GLRX: variants seen among roughly 807,000 people sequenced by gnomAD.
The protein encoded by GLRX is glutaredoxin, also known as glutaredoxin-1.
A neutral mutation model predicts 11.1 loss-of-function variants in GLRX; 9 were observed. The observed-to-expected ratio is 0.81, with a 90% CI of 0.49 to 1.42. The LOEUF (loss-of-function observed/expected upper bound fraction) is 1.42, where lower values mean the gene tolerates loss of function less well. GLRX is among the 40% of genes most tolerant of loss of function. The probability of loss-of-function intolerance (pLI) is 0.00; values close to 1 mark genes in which losing one functional copy is unlikely to be tolerated. For missense variants in GLRX, 102 were observed against 126.2 expected, an observed-to-expected ratio of 0.81 and a Z score of 0.92; for synonymous variants, 49 against 49.5, an observed-to-expected ratio of 0.99 and a Z score of 0.04.
At position 95,822,443 on chromosome 5, in the gene GLRX, A is replaced by G. The variant is rs1183837296; in HGVS notation, c.207+13T>C. ...CCGGGAGCCTTTCCCTAGCCGTTTA[A>G]AATGAAACTCACCGTTCTTGCTCCC... is the stretch of plus-strand genomic sequence containing the variant. On this transcript the variant is annotated intron_variant, in intron 1 of 2. Coordinates refer to ENST00000237858, the MANE Select transcript of GLRX (RefSeq NM_001118890.2). 3 of 1,605,294 alleles carry G rather than the reference A, an allele frequency of 1.9e-6. No individual in the cohort carries two copies. In the East Asian group the frequency reaches 6.7e-5, roughly 36 times the overall value.
intron 1 of GLRX, among the ~76,000 whole-genome samples, chr5:95,819,829 G>A (rs533682229): frequency 6.7e-6 from 1 of 149,122 alleles, no homozygotes; most frequent in African/African-American, 2.5e-5. Context: ...AACCCGGGAG[G>A]TGGAGCTTGC....
intron 2 of GLRX, chr5:95,816,295 T>C: frequency 2.0e-6 from 1 of 507,464 alleles, no homozygotes; most frequent in Middle Eastern, 5.4e-4. Flanking sequence ...AATAAATATT[T>C]CTTAAATGAA....
intron 1 of GLRX, 124 bp downstream of exon 1, chr5:95,822,332 G>A: frequency 2.6e-6 from 1 of 377,520 alleles, no homozygotes; most frequent in Middle Eastern, 7.6e-4. Context: ...CACACCCCCC[G>A]CCCCGCACAG....
chr5:95,819,860 T>C (rs148731939), intron 1 of GLRX, among the ~76,000 whole-genome samples: 2,903 of 130,914 alleles, frequency 0.022, 47 homozygotes, highest in Non-Finnish European at 0.032. Context: ...GATTGCGCCA[T>C]TGCACTCCAG....
chr5:95,819,915 A>AAAAC (rs1395453006), intron 1 of GLRX, among the ~76,000 whole-genome samples: 2 of 151,222 alleles, frequency 1.3e-5, no homozygotes, highest in Non-Finnish European at 2.9e-5. Context: ...AAAAAAAAAA[A>AAAAC]AAAAAAACCC....
At chr5:95,815,457 C>T (rs1448659914) in intron 2 of GLRX, among the ~76,000 whole-genome samples, 2 of 152,168 alleles carry the variant, frequency 1.3e-5, no homozygotes, top group African/African-American at 4.8e-5. Context: ...TGCTGAGTAA[C>T]CATCACAAAT....
In GLRX at chr5:95,822,585, G is replaced by T; in HGVS notation, c.78C>A (p.Cys26Ter). 1 of 1,613,812 alleles carries T rather than the reference G, an allele frequency of 6.2e-7. No homozygotes were observed. The highest frequency in any genetic ancestry group is 1.1e-5 in the South Asian group (1 of 91,080). Residue 26 changes from cysteine (C) to a stop codon, truncating the protein, a stop_gained, in exon 1 of 3, where the codon TGC becomes TGA. Coordinates refer to ENST00000237858, the MANE Select transcript of GLRX (RefSeq NM_001118890.2). LOFTEE classifies it high-confidence loss of function. ...VVFIKPTCPY[C>*]RRAQEILSQL... is the part of the protein sequence containing the mutation. ...GACTGAGGATCTCTTGGGCCCTCCT[G>T]CAGTACGGGCAGGTGGGCTTGATGA...
intron 1 of GLRX, among the ~76,000 whole-genome samples, chr5:95,819,791 C>T (rs1309657049): frequency 6.8e-6 from 1 of 148,028 alleles, no homozygotes; most frequent in African/African-American, 2.5e-5. Context: ...CCCAGCTACT[C>T]GAGAGGCTGA....
chr5:95,821,100 TCAAAA>T (rs1385993273), intron 1 of GLRX, among the ~76,000 whole-genome samples: 5 of 152,202 alleles, frequency 3.3e-5, no homozygotes, highest in East Asian at 1.9e-4. Flanking sequence ...TGAAACTGTC[TCAAAA>T]CAAACGAACA....
rs146003203 is a variant in GLRX, at chr5:95,819,804, C to A, written c.207+2652G>T. 2.8e-3 allele frequency among the ~76,000 whole-genome samples: 399 copies of A among 141,358 alleles called. 1 individual carries two copies. The highest frequency in any genetic ancestry group is 9.8e-3 in the African/African-American group (371 of 37,780). The allele number at this position is 141,358 out of a possible 152,430, so 92.7% of individuals were successfully genotyped here. Reference sequence around the variant, plus strand: ...GTCCCAGCTACTCGAGAGGCTGAGACAGGAGAATAGCGTGAACCCGGGAGG... The same window carrying A: ...GTCCCAGCTACTCGAGAGGCTGAGAAAGGAGAATAGCGTGAACCCGGGAGG... On this transcript the variant is annotated intron_variant, in intron 1 of 2. Transcript: ENST00000237858.
At chr5:95,819,246 A>G (rs763266686) in intron 1 of GLRX, 1 of 152,214 alleles carries the variant, frequency 6.6e-6, no homozygotes, top group Non-Finnish European at 1.5e-5. Context: ...TGTCTGGTAC[A>G]TAGTAGGTGC....
intron 2 of GLRX, 94 bp from the exon 3 acceptor site, chr5:95,814,483 TAGAA>T (rs1183785129): frequency 6.6e-6 from 1 of 152,632 alleles, no homozygotes; most frequent in African/African-American, 2.4e-5. Context: ...TGCATGTAGT[TAGAA>T]AGAACACATT....
chr5:95,820,352 TAA>T (rs58201790), intron 1 of GLRX, among the ~76,000 whole-genome samples: 131 of 79,596 alleles, frequency 1.6e-3, no homozygotes, highest in African/African-American at 3.9e-3. Context: ...CTCTGTCTCT[TAA>T]AAAAAAAAAA....
chr5:95,822,619 A>G lies in GLRX; in HGVS notation c.44T>C (p.Val15Ala), dbSNP rs906488488. The G allele has an allele frequency of 1.2e-6, 2 of 1,613,692 alleles. No homozygotes were observed. Among genetic ancestry groups the G allele is most frequent in the Admixed American group, 3.3e-5 (2 of 59,986 alleles). Residue 15 changes from valine to alanine, a missense_variant, in exon 1 of 3, where the codon GTG (valine) becomes GCG (alanine). Physicochemically the swap from Val to Ala is moderately conservative, Grantham distance 64. Coordinates refer to ENST00000237858, the MANE Select transcript of GLRX (RefSeq NM_001118890.2). ...GCAGGTGGGCTTGATGAACACAACCACCTTCCCAGGCTGGATTTTGCAGTT... is the reference window on the plus strand; with the variant it reads ...GCAGGTGGGCTTGATGAACACAACCGCCTTCCCAGGCTGGATTTTGCAGTT... ...FVNCKIQPGK[V>A]VVFIKPTCPY...
chr5:95,822,106 C>T (rs1253397719), intron 1 of GLRX: 7 of 299,974 alleles, frequency 2.3e-5, no homozygotes, highest in African/African-American at 1.5e-4. Flanking sequence ...CAGCTTCCAC[C>T]TCCAGCCCTG....
chr5:95,816,232 T>C (rs904014776), intron 2 of GLRX, among the ~76,000 whole-genome samples: 1 of 152,218 alleles, frequency 6.6e-6, no homozygotes, highest in Non-Finnish European at 1.5e-5. Context: ...AAATATAAGT[T>C]CCAGGTTATC....
intron 2 of GLRX, chr5:95,814,873 GC>G (rs2112861221): frequency 6.2e-6 from 1 of 160,598 alleles, no homozygotes. Context: ...AGCTGTTTGT[GC>G]CCCCAAATTC....
At chr5:95,821,586 A>G (rs934719892) in intron 1 of GLRX, among the ~76,000 whole-genome samples, 1 of 152,234 alleles carries the variant, frequency 6.6e-6, no homozygotes, top group Non-Finnish European at 1.5e-5. Context: ...GAATTCGTGC[A>G]TCGTAAAAGA....
rs35347478 is a variant in GLRX at position 95,819,897 on chromosome 5, CAAAA to C, written c.207+2555_207+2558del. Among the ~76,000 whole-genome samples, 499 of 54,128 alleles carry C rather than the reference CAAAA, an allele frequency of 9.2e-3. 2 individuals are homozygous for C. Among genetic ancestry groups the C allele is most frequent in the Non-Finnish European group, 0.012 (380 of 32,286 alleles). 35.5% of individuals were successfully genotyped at this position (54,128 alleles called of 152,430 possible). A position where few individuals can be genotyped will look rare whatever the true frequency, so the allele number is the denominator to read the frequency against. On this transcript the variant is annotated intron_variant, in intron 1 of 2. Transcript: ENST00000237858. ...CTGGGCACAGAGGGAGACTCCGTCTCAAAAAAAAAAAAAAAAAAAAAAAAACCCT... is the reference window on the plus strand; with the variant it reads ...CTGGGCACAGAGGGAGACTCCGTCTCAAAAAAAAAAAAAAAAAAAAACCCT...
Sources: gnomAD v4.1 joint callset for allele counts (sites outside exome capture counted in the v4.1 genomes callset) on GRCh38, gnomAD v4.1.1 for gene constraint, MANE v1.5 for transcripts, NCBI Gene and HGNC (gene_info 2026-07-23, HGNC 2026-07-21) for gene names.